The following RASAL2 variants were observed in gnomAD, a reference collection of about 807,000 sequenced individuals.
RASAL2 encodes the protein RAS protein activator like 2, also known as ras GTPase-activating protein nGAP.
A neutral mutation model predicts 128.9 loss-of-function variants in RASAL2; 58 were observed. That is an observed-to-expected ratio of 0.45 (90% CI 0.36 to 0.56). The LOEUF (loss-of-function observed/expected upper bound fraction) is 0.56. RASAL2 is among the 20% of genes least tolerant of loss of function. RASAL2 has a pLI of 0.00. For missense variants in RASAL2, 1,360 were observed against 1,601.6 expected (o/e 0.85, Z 2.57); for synonymous variants, 561 against 580.8 (o/e 0.97, Z 0.49).
intron 5 of RASAL2, among the ~76,000 whole-genome samples, chr1:178,437,219 T>A (rs927637421): frequency 6.6e-6 from 1 of 152,116 alleles, no homozygotes; most frequent in African/African-American, 2.4e-5. Context: ...ATAGATGAAG[T>A]CTTGATCTGT....
intron 1 of RASAL2, among the ~76,000 whole-genome samples, chr1:178,172,186 C>G (rs1344611511): frequency 2.6e-5 from 4 of 152,010 alleles, no homozygotes; most frequent in Non-Finnish European, 5.9e-5. Context: ...TACCATTTTA[C>G]CATGCCATCT....
At chr1:178,244,692 C>T (rs751138124) in intron 1 of RASAL2, among the ~76,000 whole-genome samples, 9 of 152,166 alleles carry the variant, frequency 5.9e-5, no homozygotes, top group South Asian at 2.1e-4. Flanking sequence ...GCCCCACATG[C>T]GTTAGATATT....
At chr1:178,393,404 C>T (rs1486866719) in intron 4 of RASAL2, among the ~76,000 whole-genome samples, 1 of 152,192 alleles carries the variant, frequency 6.6e-6, no homozygotes, top group Non-Finnish European at 1.5e-5. Context: ...GAACACACAA[C>T]CTAGATCCCT....
At chr1:178,222,500 A>G (rs934940853) in intron 1 of RASAL2, among the ~76,000 whole-genome samples, 1 of 152,122 alleles carries the variant, frequency 6.6e-6, no homozygotes, top group African/African-American at 2.4e-5. Flanking sequence ...GTATCATTTT[A>G]CAGATACTGC....
intron 3 of RASAL2, among the ~76,000 whole-genome samples, chr1:178,360,376 C>T (rs1671043267): frequency 6.6e-6 from 1 of 152,164 alleles, no homozygotes; most frequent in Admixed American, 6.5e-5. Flanking sequence ...CTAACATTGG[C>T]CGTGAATTTG....
Position 178,094,212 on chromosome 1 carries a change from G to A in RASAL2, c.-281G>A, listed in dbSNP as rs566055077. 4.6e-5 allele frequency: 21 copies of A among 459,012 alleles called. No homozygotes were observed. The South Asian group carries it at 7.3e-4, about 16-fold the overall frequency. The allele number at this position is 459,012 out of a possible 1,614,324, so 28.4% of individuals were successfully genotyped here. A position where few individuals can be genotyped will look rare whatever the true frequency, so the allele number is the denominator to read the frequency against. On this transcript the variant is annotated 5_prime_UTR_variant, in exon 1 of 18. Transcript: ENST00000367649. The stretch of plus-strand genomic sequence containing the variant: ...GGTTCTTCTGCGTCCTCTCCCGGGA[G>A]GGACCCACACACACCTGAGCCCGGA...
intron 1 of RASAL2, among the ~76,000 whole-genome samples, chr1:178,281,533 A>G (rs1171314549): frequency 2.0e-5 from 3 of 152,132 alleles, no homozygotes; most frequent in African/African-American, 7.2e-5. Context: ...TGTGCTATTA[A>G]TCAATATCCT....
At chr1:178,110,031 C>T (rs961187780) in intron 1 of RASAL2, among the ~76,000 whole-genome samples, 2 of 151,946 alleles carry the variant, frequency 1.3e-5, no homozygotes. Flanking sequence ...AGCAAACAAA[C>T]GAAAAACCGG....
chr1:178,201,920 G>T (rs1267714685), intron 1 of RASAL2, among the ~76,000 whole-genome samples: 2 of 152,176 alleles, frequency 1.3e-5, no homozygotes, highest in Non-Finnish European at 2.9e-5. Context: ...TGAAGGGGAG[G>T]CCGGGTCCCC....
chr1:178,380,488 G>A (rs2102559290), intron 3 of RASAL2, among the ~76,000 whole-genome samples: 1 of 151,978 alleles, frequency 6.6e-6, no homozygotes, highest in Admixed American at 6.6e-5. Context: ...GAAATTGCTG[G>A]TATTTTACCA....
intron 3 of RASAL2, among the ~76,000 whole-genome samples, chr1:178,387,336 G>C (rs969654900): frequency 1.2e-4 from 18 of 151,416 alleles, no homozygotes; most frequent in Admixed American, 3.9e-4. Flanking sequence ...CATCAGCATT[G>C]TATTTTTTCC....
intron 1 of RASAL2, among the ~76,000 whole-genome samples, chr1:178,144,682 A>G (rs549502520): frequency 6.6e-6 from 1 of 152,336 alleles, no homozygotes; most frequent in African/African-American, 2.4e-5. Flanking sequence ...AGTGTAAACC[A>G]TTGTTTGTAA....
chr1:178,398,153 C>T (rs983644651), intron 4 of RASAL2, among the ~76,000 whole-genome samples: 4 of 151,778 alleles, frequency 2.6e-5, no homozygotes, highest in African/African-American at 7.3e-5. Flanking sequence ...TGATACTTTG[C>T]ATATTTGCAT....
At chr1:178,144,541 A>G (rs1037268929) in intron 1 of RASAL2, among the ~76,000 whole-genome samples, 2 of 152,140 alleles carry the variant, frequency 1.3e-5, no homozygotes, top group African/African-American at 4.8e-5. Context: ...GTAGTTGGTA[A>G]TCTCTAAGTA....
intron 5 of RASAL2, among the ~76,000 whole-genome samples, chr1:178,432,160 G>T (rs527799293): frequency 6.6e-6 from 1 of 151,982 alleles, no homozygotes; most frequent in East Asian, 1.9e-4. Context: ...TAAAAAACCT[G>T]TTTCAAACCC....
intron 1 of RASAL2, among the ~76,000 whole-genome samples, chr1:178,150,359 T>A (rs1397164673): frequency 6.6e-6 from 1 of 152,124 alleles, no homozygotes; most frequent in Non-Finnish European, 1.5e-5. Flanking sequence ...CTAATTTTTT[T>A]ATTTTTAGTA....
intron 5 of RASAL2, among the ~76,000 whole-genome samples, chr1:178,423,332 A>G (rs1675284094): frequency 6.6e-6 from 1 of 152,110 alleles, no homozygotes; most frequent in South Asian, 2.1e-4. Context: ...GGTATAGAGT[A>G]TGTATGTTAT....
chr1:178,415,452 C>A (rs1350153319), intron 4 of RASAL2, among the ~76,000 whole-genome samples: 1 of 151,862 alleles, frequency 6.6e-6, no homozygotes, highest in Non-Finnish European at 1.5e-5. Context: ...GATCTCTATT[C>A]TTTTAAATTT....
chr1:178,266,848 A>T (rs184158730), intron 1 of RASAL2, among the ~76,000 whole-genome samples: 3 of 152,172 alleles, frequency 2.0e-5, no homozygotes, highest in Non-Finnish European at 4.4e-5. Context: ...GCAGAGTGCC[A>T]TGAGTTTCTA....
Sources: allele counts gnomAD v4.1 joint callset (sites outside exome capture counted in the v4.1 genomes callset), GRCh38; gene constraint gnomAD v4.1.1; transcripts MANE v1.5; gene names NCBI Gene and HGNC (gene_info 2026-07-23, HGNC 2026-07-21).